Variants in AGR3 observed in about 807,000 individuals in gnomAD.
AGR3 encodes anterior gradient 3, protein disulphide isomerase family member, also known as anterior gradient protein 3.
AGR3 carries 37 observed loss-of-function variants against 24.5 expected under a neutral mutation model. The observed-to-expected ratio is 1.51, with a 90% CI of 1.16 to 1.99. The LOEUF (loss-of-function observed/expected upper bound fraction) is 1.99, where lower values mean the gene tolerates loss of function less well. Ranked by LOEUF, AGR3 falls within the 30% of genes most tolerant of loss-of-function variation. AGR3 has a pLI of 0.00. For synonymous variants in AGR3, 75 were observed against 61.6 expected, an observed-to-expected ratio of 1.22 and a Z score of -1.02; for missense variants, 228 against 191.1, an observed-to-expected ratio of 1.19 and a Z score of -1.14.
At chr7:16,864,745 C>G (rs1046746950) in intron 3 of AGR3, 3 of 1,334,988 alleles carry the variant, frequency 2.2e-6, no homozygotes, top group Non-Finnish European at 3.2e-6. Context: ...GTGCGAGGGT[C>G]AAAAACTTGA....
chr7:16,879,478 G>A (rs1401889800), intron 1 of AGR3, among the ~76,000 whole-genome samples: 4 of 152,194 alleles, frequency 2.6e-5, no homozygotes, highest in Non-Finnish European at 5.9e-5. Flanking sequence ...ATACTTGTGA[G>A]ATGTTTAGTT....
chr7:16,865,660 C>G, intron 3 of AGR3: 1 of 798,292 alleles, frequency 1.3e-6, no homozygotes, highest in Non-Finnish European at 2.3e-6. Flanking sequence ...TATCAGTTCT[C>G]AGATGATCTC....
intron 3 of AGR3, chr7:16,865,116 C>T (rs949083737): frequency 1.1e-5 from 8 of 741,890 alleles, no homozygotes; most frequent in African/African-American, 8.8e-5. Flanking sequence ...CCCCAAAGCT[C>T]GGAAGAGAAA....
chr7:16,861,966 A>G lies in AGR3; in HGVS notation c.303+18T>C. The G allele has an allele frequency of 1.3e-6, 2 of 1,580,234 alleles. No individual in the cohort carries two copies. The highest frequency in any genetic ancestry group is 1.7e-6 in the Non-Finnish European group (2 of 1,160,312). ...CATGAAATTATAGTATTAAGAAAACATCACAAAGTTTATGTACCATAAGGT... is the reference window on the plus strand; with the variant it reads ...CATGAAATTATAGTATTAAGAAAACGTCACAAAGTTTATGTACCATAAGGT... On this transcript the variant is annotated intron_variant, in intron 5 of 7. Coordinates refer to ENST00000310398, the MANE Select transcript of AGR3 (RefSeq NM_176813.5).
chr7:16,876,961 GT>G (rs1781996237), intron 2 of AGR3, among the ~76,000 whole-genome samples: 2 of 152,066 alleles, frequency 1.3e-5, no homozygotes, highest in African/African-American at 4.8e-5. Flanking sequence ...TGAGCTCATT[GT>G]TTTACAACAG....
intron 3 of AGR3, chr7:16,866,155 C>T (rs1400230100): frequency 1.9e-6 from 1 of 535,502 alleles, no homozygotes; most frequent in Non-Finnish European, 3.7e-6. Flanking sequence ...GTAGAAGGCT[C>T]ATTTTTTTCT....
intron 7 of AGR3, 49 bp downstream of exon 7, chr7:16,860,451 G>A (rs764393117): frequency 2.2e-6 from 3 of 1,349,094 alleles, no homozygotes; most frequent in South Asian, 2.3e-5. Context: ...TTAACAAATA[G>A]TCAGGGGTCA....
rs993920223 is a variant in AGR3, at chr7:16,862,999, A to G, written c.174-337T>C. On this transcript the variant is annotated intron_variant, in intron 3 of 7. Coordinates refer to ENST00000310398, the MANE Select transcript of AGR3 (RefSeq NM_176813.5). ...GACATGAGAATCGCTTGAACCCAGG[A>G]GGTGAGGTTGCGGTGAGCCGAGATG... Among the ~76,000 whole-genome samples, 4 of 152,134 alleles carry G rather than the reference A, an allele frequency of 2.6e-5. No homozygotes were observed. The South Asian group carries it at 8.3e-4, about 31-fold the overall frequency.
chr7:16,859,538 T>C lies in AGR3; in HGVS notation c.*44A>G, dbSNP rs1415558257. Reference sequence around the variant, plus strand: ...GTCAATGTGCCAGAGGTTTTCTTCATGAAATTTGACTTCTTTGAAGTGAAG... The same window carrying C: ...GTCAATGTGCCAGAGGTTTTCTTCACGAAATTTGACTTCTTTGAAGTGAAG... On this transcript the variant is annotated 3_prime_UTR_variant, in exon 8 of 8. Coordinates refer to ENST00000310398, the MANE Select transcript of AGR3 (RefSeq NM_176813.5). The C allele has an allele frequency of 7.3e-7, 1 of 1,367,444 alleles. No individual in the cohort carries two copies. Among genetic ancestry groups the C allele is most frequent in the South Asian group, 1.3e-5 (1 of 79,588 alleles). The allele number at this position is 1,367,444 out of a possible 1,614,324, so 84.7% of individuals were successfully genotyped here. A position where few individuals can be genotyped will look rare whatever the true frequency, so the allele number is the denominator to read the frequency against.
Position 16,862,045 on chromosome 7 carries a change from A to T in AGR3, c.242T>A (p.Phe81Tyr). The T allele has an allele frequency of 6.2e-7, 1 of 1,613,584 alleles. No homozygotes were observed. Among genetic ancestry groups the T allele is most frequent in the Non-Finnish European group, 8.5e-7 (1 of 1,179,656 alleles). ...TTCTTGTATTTCTTCATTTTGGGCA[A>T]ATACTTTCTTTAGTGCTATAGGGGA... ...CQYSQALKKVFAQNEEIQEMA... is the reference protein window; with the variant it reads ...CQYSQALKKVYAQNEEIQEMA... The change falls in exon 5 of 8, where the codon TTT becomes TAT. Residue 81 changes from phenylalanine to tyrosine, a missense_variant. Phe to Tyr is a conservative substitution (Grantham distance 22). Coordinates refer to ENST00000310398, the MANE Select transcript of AGR3 (RefSeq NM_176813.5).
intron 2 of AGR3, among the ~76,000 whole-genome samples, chr7:16,874,386 A>C (rs1173320743): frequency 6.6e-6 from 1 of 152,184 alleles, no homozygotes; most frequent in Non-Finnish European, 1.5e-5. Flanking sequence ...AATAAAACGC[A>C]TGTGTTTTGG....
intron 7 of AGR3, among the ~76,000 whole-genome samples, chr7:16,860,289 A>G (rs967626092): frequency 1.3e-5 from 2 of 152,158 alleles, no homozygotes; most frequent in African/African-American, 4.8e-5. Context: ...GAATTTAGTA[A>G]TCCTAAAATC....
At chr7:16,864,225 T>C (rs1583837393) in intron 3 of AGR3, 4 of 1,200,406 alleles carry the variant, frequency 3.3e-6, no homozygotes, top group South Asian at 2.9e-5. Flanking sequence ...GAAACAAAAA[T>C]GAATCTGTGA....
chr7:16,872,085 C>T (rs2115310636), intron 3 of AGR3, among the ~76,000 whole-genome samples: 1 of 50,558 alleles, frequency 2.0e-5, no homozygotes, highest in African/African-American at 5.7e-5. Flanking sequence ...ATATTTTTCA[C>T]AGAAACAGAA....
chr7:16,860,573 T>TA lies in AGR3; in HGVS notation c.377dup (p.Leu126PhefsTer4). On this transcript the variant is annotated frameshift_variant, in exon 7 of 8. Coordinates refer to ENST00000310398, the MANE Select transcript of AGR3 (RefSeq NM_176813.5). LOFTEE classifies it high-confidence loss of function. ...TTCCAGCTATGTCAGCTCTAACTGT[T>TA]AAAGAAGGGTCTGTCAAGGAAAAAA... The TA allele has an allele frequency of 6.2e-7, 1 of 1,612,504 alleles. No homozygotes were observed. Among genetic ancestry groups the TA allele is most frequent in the Middle Eastern group, 1.7e-4 (1 of 6,040 alleles).
chr7:16,866,374 CT>C, intron 3 of AGR3: 1 of 315,746 alleles, frequency 3.2e-6, no homozygotes, highest in South Asian at 3.5e-5. Context: ...AATTCACCTC[CT>C]TTAAAAAGCA....
Position 16,860,495 on chromosome 7 carries a change from C to G in AGR3, c.451+5G>C, listed in dbSNP as rs1190342681. ...CACTGTTTGAGATCATTTGTGAATA[C>G]TTACATAGGGGTAAATCCCGAGGCT... On this transcript the variant is annotated splice_donor_5th_base_variant and intron_variant, in intron 7 of 7. Transcript: ENST00000310398. 17 of 1,606,892 alleles carry G rather than the reference C, an allele frequency of 1.1e-5. No individual in the cohort carries two copies. Among genetic ancestry groups the G allele is most frequent in the Non-Finnish European group, 1.4e-5 (17 of 1,173,614 alleles).
At chr7:16,871,611 G>A (rs1475422943) in intron 3 of AGR3, among the ~76,000 whole-genome samples, 6 of 152,172 alleles carry the variant, frequency 3.9e-5, no homozygotes, top group Admixed American at 6.5e-5. Context: ...GGGAGGTTGA[G>A]GTGGACGTAT....
downstream of AGR3, among the ~76,000 whole-genome samples, chr7:16,857,248 T>C (rs1781565781): frequency 6.6e-6 from 1 of 152,180 alleles, no homozygotes; most frequent in Non-Finnish European, 1.5e-5. Context: ...AATATGTGCA[T>C]ATTAAATGTT....
Sources: gnomAD v4.1 joint callset for allele counts (sites outside exome capture counted in the v4.1 genomes callset) on GRCh38, gnomAD v4.1.1 for gene constraint, MANE v1.5 for transcripts, NCBI Gene and HGNC (gene_info 2026-07-23, HGNC 2026-07-21) for gene names.